Variants in NETO1 observed in about 807,000 individuals in gnomAD.
NETO1 encodes the protein neuropilin and tolloid-like protein 1.
In NETO1, 26 loss-of-function variants were observed where a neutral mutation model predicts 61.3. That is an observed-to-expected ratio of 0.42 (90% CI 0.31 to 0.59). The LOEUF (loss-of-function observed/expected upper bound fraction) is 0.59. Among genes scored for constraint, NETO1 ranks in the 20% least tolerant of loss-of-function variants. The probability of loss-of-function intolerance (pLI) is 0.12; values close to 1 mark genes in which losing one functional copy is unlikely to be tolerated. For synonymous variants in NETO1, 225 were observed against 225.8 expected, an observed-to-expected ratio of 1.00 and a Z score of 0.03; for missense variants, 531 against 662.8, an observed-to-expected ratio of 0.80 and a Z score of 2.18.
At chr18:72,749,688 A>G (rs1449531391) in intron 9 of NETO1, among the ~76,000 whole-genome samples, 5 of 152,172 alleles carry the variant, frequency 3.3e-5, no homozygotes, top group Non-Finnish European at 7.4e-5. Flanking sequence ...ATATCATTTC[A>G]TATCTCAAAA....
chr18:72,863,507 A>G (rs748683012), intron 3 of NETO1, among the ~76,000 whole-genome samples: 7 of 152,214 alleles, frequency 4.6e-5, no homozygotes, highest in Non-Finnish European at 8.8e-5. Flanking sequence ...CAGTTGTAAA[A>G]GGAATTTGCA....
rs575082261 is a variant in NETO1, at chr18:72,796,697, C to T, written c.470-2293G>A. Among the ~76,000 whole-genome samples the T allele has an allele frequency of 2.0e-4, 31 of 152,140 alleles. No individual in the cohort carries two copies. In the South Asian group the frequency reaches 6.4e-3, roughly 32 times the overall value. On this transcript the variant is annotated intron_variant, in intron 4 of 10. Coordinates refer to ENST00000327305, the MANE Select transcript of NETO1 (RefSeq NM_138966.5). ...TTCACCATGGTCTCGATCTCCTGAC[C>T]TCATGATCCGTCCTCCTTGGCCTCC...
intron 7 of NETO1, among the ~76,000 whole-genome samples, chr18:72,772,759 C>CTATATATATATATA (rs35617731): frequency 2.6e-4 from 27 of 102,320 alleles, no homozygotes; most frequent in Non-Finnish European, 4.3e-4. Context: ...CTATATATAT[C>CTATATATATATATA]TATATATATA....
chr18:72,810,116 AT>A (rs2072816863), intron 4 of NETO1, among the ~76,000 whole-genome samples: 1 of 152,230 alleles, frequency 6.6e-6, no homozygotes, highest in Admixed American at 6.5e-5. Context: ...TAAAGGATTT[AT>A]TTGCATTCTA....
At position 72,745,934 on chromosome 18, in the gene NETO1, T is replaced by C. The variant is rs1310733989; in HGVS notation, c.*2245A>G. ...TGTTCTTCATTTAAAATACAGTTGTTTTCCCATGAAGCTGCTGTGTGTTAA... is the reference window on the plus strand; with the variant it reads ...TGTTCTTCATTTAAAATACAGTTGTCTTCCCATGAAGCTGCTGTGTGTTAA... On this transcript the variant is annotated 3_prime_UTR_variant, in exon 11 of 11. Coordinates refer to ENST00000327305, the MANE Select transcript of NETO1 (RefSeq NM_138966.5). 6.6e-6 allele frequency: 1 copy of C among 152,226 alleles called. No individual in the cohort carries two copies. Among genetic ancestry groups the C allele is most frequent in the Non-Finnish European group, 1.5e-5 (1 of 68,040 alleles). The allele number at this position is 152,226 out of a possible 1,614,324, so 9.4% of individuals were successfully genotyped here. A position where few individuals can be genotyped will look rare whatever the true frequency, so the allele number is the denominator to read the frequency against.
chr18:72,850,724 A>C (rs999244009), intron 4 of NETO1, among the ~76,000 whole-genome samples: 1 of 152,130 alleles, frequency 6.6e-6, no homozygotes, highest in African/African-American at 2.4e-5. Context: ...AGAATTATTT[A>C]TTTGTTTTGT....
intron 7 of NETO1, among the ~76,000 whole-genome samples, chr18:72,782,084 G>T (rs986703941): frequency 1.3e-5 from 2 of 152,076 alleles, no homozygotes; most frequent in Non-Finnish European, 2.9e-5. Flanking sequence ...TCACTTATTG[G>T]TGAGAACGTG....
chr18:72,807,372 T>A lies in NETO1; in HGVS notation c.470-12968A>T, dbSNP rs560294369. 7.0e-4 allele frequency among the ~76,000 whole-genome samples: 107 copies of A among 152,300 alleles called. 1 individual carries two copies. Among genetic ancestry groups the A allele is most frequent in the Non-Finnish European group, 1.2e-3 (80 of 68,008 alleles). Reference sequence around the variant, plus strand: ...AAGAAAATTTTCAAGCCCTTTAAAATATTATTGATATGTGCTGGGCTTGTA... The same window carrying A: ...AAGAAAATTTTCAAGCCCTTTAAAAAATTATTGATATGTGCTGGGCTTGTA... On this transcript the variant is annotated intron_variant, in intron 4 of 10. Coordinates refer to ENST00000327305, the MANE Select transcript of NETO1 (RefSeq NM_138966.5).
intron 3 of NETO1, among the ~76,000 whole-genome samples, chr18:72,862,132 T>A (rs1345086994): frequency 6.6e-6 from 1 of 152,188 alleles, no homozygotes; most frequent in Non-Finnish European, 1.5e-5. Context: ...CTACATCTTA[T>A]GTTCTCTCAT....
chr18:72,774,762 T>C (rs2071488033), intron 7 of NETO1, among the ~76,000 whole-genome samples: 1 of 152,242 alleles, frequency 6.6e-6, no homozygotes, highest in African/African-American at 2.4e-5. Context: ...TCTTAAAGAA[T>C]ATATGCTAAA....
intron 7 of NETO1, among the ~76,000 whole-genome samples, chr18:72,766,093 C>G (rs9958570): frequency 0.76 from 115,331 of 151,628 alleles, 44,338 homozygotes; most frequent in African/African-American, 0.87. Flanking sequence ...TGTAATCCCT[C>G]TACTCAGGAG....
intron 6 of NETO1, among the ~76,000 whole-genome samples, chr18:72,787,877 A>G (rs1777995996): frequency 6.6e-6 from 1 of 152,184 alleles, no homozygotes; most frequent in African/African-American, 2.4e-5. Flanking sequence ...ACAATCAAAA[A>G]CAAAATGAGT....
chr18:72,802,866 G>T (rs1371232692), intron 4 of NETO1, among the ~76,000 whole-genome samples: 1 of 152,308 alleles, frequency 6.6e-6, no homozygotes, highest in African/African-American at 2.4e-5. Context: ...TTTAGATTCT[G>T]AAGTCTAGAG....
chr18:72,866,881 C>A (rs1412282794), intron 1 of NETO1: 1 of 818,396 alleles, frequency 1.2e-6, no homozygotes, highest in Non-Finnish European at 1.5e-6. Flanking sequence ...GCTCCGGGAG[C>A]CCCTAGAAGA....
At chr18:72,826,091 T>C (rs2073364479) in intron 4 of NETO1, among the ~76,000 whole-genome samples, 1 of 152,174 alleles carries the variant, frequency 6.6e-6, no homozygotes, top group Admixed American at 6.5e-5. Context: ...TAAGTACATT[T>C]AGAGAAATGA....
intron 4 of NETO1, among the ~76,000 whole-genome samples, chr18:72,832,069 A>T (rs998116777): frequency 3.9e-5 from 6 of 152,200 alleles, no homozygotes; most frequent in African/African-American, 1.4e-4. Flanking sequence ...GGATATAAAT[A>T]GTGTCTGATT....
At chr18:72,814,565 A>C (rs1442525868) in intron 4 of NETO1, among the ~76,000 whole-genome samples, 1 of 152,122 alleles carries the variant, frequency 6.6e-6, no homozygotes, top group Non-Finnish European at 1.5e-5. Context: ...ACACAATCTT[A>C]AGTAACAAAG....
At chr18:72,749,199 CTT>C (rs2070508975) in intron 9 of NETO1, 111 bp from the exon 10 acceptor site, 2 of 722,892 alleles carry the variant, frequency 2.8e-6, no homozygotes, top group Non-Finnish European at 5.0e-6. Flanking sequence ...TGGAAATAGA[CTT>C]ATGTCAGCAT....
chr18:72,758,546 C>T (rs2070864201), intron 7 of NETO1, among the ~76,000 whole-genome samples: 1 of 151,914 alleles, frequency 6.6e-6, no homozygotes, highest in South Asian at 2.1e-4. Flanking sequence ...GGTTAAGAAG[C>T]AATGTAGAGG....
Sources: allele counts gnomAD v4.1 joint callset (sites outside exome capture counted in the v4.1 genomes callset), GRCh38; gene constraint gnomAD v4.1.1; transcripts MANE v1.5; gene names NCBI Gene and HGNC (gene_info 2026-07-23, HGNC 2026-07-21).